Variants in USP39 observed in about 807,000 individuals in gnomAD.
The protein encoded by USP39 is ubiquitin carboxyl-terminal hydrolase 39.
A neutral mutation model predicts 66.4 loss-of-function variants in USP39; 38 were observed. The ratio of observed to expected loss-of-function variants is 0.57; its 90% confidence interval spans 0.44 to 0.75. The LOEUF is 0.75. Ranked by LOEUF, USP39 falls within the 30% of genes least tolerant of loss-of-function variation. The pLI, the probability that USP39 is intolerant of heterozygous loss-of-function variation, is 0.00. For missense variants in USP39, 608 were observed against 714.4 expected (o/e 0.85, Z 1.70); for synonymous variants, 303 against 274.6 (o/e 1.10, Z -1.02).
chr2:85,619,120 C>T, intron 1 of USP39, 100 bp from the exon 2 acceptor site: 2 of 1,358,016 alleles, frequency 1.5e-6, no homozygotes, highest in Non-Finnish European at 2.1e-6. Flanking sequence ...AGGAACTCAT[C>T]TTGATTAGTT....
intron 10 of USP39, among the ~76,000 whole-genome samples, chr2:85,644,615 G>A (rs1401980531): frequency 6.6e-6 from 1 of 151,680 alleles, no homozygotes; most frequent in East Asian, 1.9e-4. Flanking sequence ...TTTTGTAGGG[G>A]TCTCACTACA....
upstream of USP39, chr2:85,612,012 C>CGCCTCGACG: frequency 3.4e-6 from 5 of 1,454,560 alleles, no homozygotes; most frequent in Non-Finnish European, 4.5e-6. Flanking sequence ...GAGTCGCCGC[C>CGCCTCGACG]GCCTCGACGG....
At chr2:85,619,416 C>T in intron 2 of USP39, 127 bp downstream of exon 2, 2 of 892,478 alleles carry the variant, frequency 2.2e-6, no homozygotes, top group East Asian at 5.4e-5. Context: ...GAGAGTTGTG[C>T]TTCTTGCCAT....
At chr2:85,635,844 A>G (rs1464066150) in intron 6 of USP39, among the ~76,000 whole-genome samples, 1 of 152,126 alleles carries the variant, frequency 6.6e-6, no homozygotes, top group Non-Finnish European at 1.5e-5. Flanking sequence ...CAGAGAGCCT[A>G]TGGAGAGAGT....
At chr2:85,612,420 G>A, upstream of USP39, 1 of 1,482,716 alleles carries the variant, frequency 6.7e-7, no homozygotes, top group Non-Finnish European at 9.1e-7. Context: ...GTGTAACGCT[G>A]CCACTTCTCA....
At position 85,635,351 on chromosome 2, in the gene USP39, A is replaced by G. The variant is rs182415054; in HGVS notation, c.950-702A>G. 9.9e-5 allele frequency among the ~76,000 whole-genome samples: 15 copies of G among 152,242 alleles called. No individual in the cohort carries two copies. The East Asian group carries it at 2.7e-3, about 27-fold the overall frequency. On this transcript the variant is annotated intron_variant, in intron 6 of 12. Coordinates refer to ENST00000323701, the MANE Select transcript of USP39 (RefSeq NM_006590.4). ...GAGGCGGGAGGATCACTTGAGGTCA[A>G]GAGTTCGAGACCGGCCTGGCCAACA...
chr2:85,645,807 T>C (rs1310197994), intron 11 of USP39: 2 of 152,264 alleles, frequency 1.3e-5, no homozygotes, highest in Non-Finnish European at 2.9e-5. Context: ...CTTTTCTATT[T>C]TTCAAGTTAA....
upstream of USP39, chr2:85,611,714 C>T (rs763438159): frequency 2.5e-6 from 4 of 1,596,652 alleles, no homozygotes; most frequent in South Asian, 4.5e-5. Flanking sequence ...TGCGGGGCCG[C>T]GTCGGCGCGG....
chr2:85,645,267 A>G, intron 11 of USP39, 184 bp downstream of exon 11: 4 of 609,586 alleles, frequency 6.6e-6, no homozygotes, highest in South Asian at 2.6e-5. Flanking sequence ...CATTGGACTC[A>G]CCTTGGGAGC....
intron 5 of USP39, among the ~76,000 whole-genome samples, chr2:85,626,357 C>G (rs571980888): frequency 6.6e-6 from 1 of 152,066 alleles, no homozygotes; most frequent in Non-Finnish European, 1.5e-5. Context: ...GAAACTCCTC[C>G]GTCTCAAAAA....
upstream of USP39, among the ~76,000 whole-genome samples, chr2:85,614,954 A>C (rs959584421): frequency 6.6e-6 from 1 of 151,130 alleles, no homozygotes; most frequent in African/African-American, 2.5e-5. Flanking sequence ...ATATACCGCA[A>C]GTCAGAATTC....
chr2:85,638,695 G>T (rs1315726849), intron 8 of USP39, among the ~76,000 whole-genome samples: 2 of 151,738 alleles, frequency 1.3e-5, no homozygotes, highest in Non-Finnish European at 2.9e-5. Flanking sequence ...CCACCACCAC[G>T]CCCGGCTTAT....
chr2:85,611,295 G>A (rs1673505895), upstream of USP39: 3 of 1,419,802 alleles, frequency 2.1e-6, no homozygotes, highest in Admixed American at 6.2e-5. Flanking sequence ...AGGTAGCAGA[G>A]AAGCTGGGGA....
intron 1 of USP39, among the ~76,000 whole-genome samples, chr2:85,605,831 C>T (rs868199656): frequency 6.6e-6 from 1 of 152,180 alleles, no homozygotes; most frequent in South Asian, 2.1e-4. Flanking sequence ...TCAGAGTGCA[C>T]CATGGAGATG....
upstream of USP39, chr2:85,612,268 G>C (rs1410212255): frequency 3.4e-6 from 5 of 1,491,786 alleles, no homozygotes. Flanking sequence ...CAAGGACTTC[G>C]GCTTACAGCT....
intron 6 of USP39, among the ~76,000 whole-genome samples, chr2:85,631,606 T>C (rs1404535795): frequency 6.6e-6 from 1 of 152,156 alleles, no homozygotes; most frequent in African/African-American, 2.4e-5. Flanking sequence ...GTCGGTCTTA[T>C]TTGGTAAATT....
chr2:85,611,932 C>T (rs1217859956), upstream of USP39: 1 of 1,587,180 alleles, frequency 6.3e-7, no homozygotes, highest in Non-Finnish European at 8.5e-7. Flanking sequence ...CATGTCCAGC[C>T]GCCCCCCAGG....
At chr2:85,648,161 G>C in intron 12 of USP39, 145 bp downstream of exon 12, 1 of 713,880 alleles carries the variant, frequency 1.4e-6, no homozygotes, top group Admixed American at 2.7e-5. Flanking sequence ...TAGTGAGTTG[G>C]GGGCAGAATG....
At chr2:85,621,411 G>A in intron 2 of USP39, 74 bp from the exon 3 acceptor site, 2 of 1,288,542 alleles carry the variant, frequency 1.6e-6, no homozygotes, top group Non-Finnish European at 2.2e-6. Flanking sequence ...ATGGGTCACA[G>A]AGCCAGCACT....
Sources: gnomAD v4.1 joint callset for allele counts (sites outside exome capture counted in the v4.1 genomes callset) on GRCh38, gnomAD v4.1.1 for gene constraint, MANE v1.5 for transcripts, NCBI Gene and HGNC (gene_info 2026-07-23, HGNC 2026-07-21) for gene names.